The following ZNF280D variants were observed in gnomAD, a reference collection of about 807,000 sequenced individuals.
The protein encoded by ZNF280D is zinc finger protein 280D, also known as suppressor of hairy wing homolog 4.
ZNF280D carries 39 observed loss-of-function variants against 94.7 expected under a neutral mutation model. The ratio of observed to expected loss-of-function variants is 0.41; its 90% CI spans 0.32 to 0.54. ZNF280D has a LOEUF of 0.54. Ranked by LOEUF, ZNF280D falls within the 20% of genes least tolerant of loss-of-function variation. ZNF280D has a pLI of 0.22. For synonymous variants in ZNF280D, 398 were observed against 377.6 expected, an observed-to-expected ratio of 1.05 and a Z score of -0.63; for missense variants, 1,090 against 1,149.3, an observed-to-expected ratio of 0.95 and a Z score of 0.75.
intron 13 of ZNF280D, among the ~76,000 whole-genome samples, chr15:56,671,112 C>T (rs760954207): frequency 8.5e-5 from 13 of 152,078 alleles, no homozygotes; most frequent in Non-Finnish European, 1.5e-4. Context: ...AATTTTCTCC[C>T]ATTCTGTAAG....
chr15:56,647,624 C>T (rs1178546669), intron 19 of ZNF280D, among the ~76,000 whole-genome samples: 1 of 152,184 alleles, frequency 6.6e-6, no homozygotes, highest in Non-Finnish European at 1.5e-5. Context: ...CTCCACATCC[C>T]AGGCTCCAGT....
At chr15:56,663,739 C>G (rs762840396) in intron 16 of ZNF280D, among the ~76,000 whole-genome samples, 1 of 152,040 alleles carries the variant, frequency 6.6e-6, no homozygotes, top group Non-Finnish European at 1.5e-5. Flanking sequence ...GTTCCCATCA[C>G]AAAGAAATGA....
At chr15:56,699,696 C>A (rs555848965) in intron 6 of ZNF280D, 1 of 532,922 alleles carries the variant, frequency 1.9e-6, no homozygotes, top group South Asian at 8.3e-5. Context: ...TAGTTTACCT[C>A]ACAATTCAAT....
At chr15:56,640,441 A>G (rs944812803) in intron 20 of ZNF280D, among the ~76,000 whole-genome samples, 1 of 152,048 alleles carries the variant, frequency 6.6e-6, no homozygotes, top group Admixed American at 6.6e-5. Flanking sequence ...TGTATTTAAA[A>G]AATTTTTTTT....
At chr15:56,646,128 T>C (rs2052877681) in intron 19 of ZNF280D, among the ~76,000 whole-genome samples, 2 of 152,130 alleles carry the variant, frequency 1.3e-5, no homozygotes, top group African/African-American at 4.8e-5. Flanking sequence ...CCAGTAATCA[T>C]GACCTTCAAC....
rs770483829 is a variant in ZNF280D, at chr15:56,668,801, AATACAATATATTTT to A, written c.1545+8_1545+21del. Reference sequence around the variant, plus strand: ...TTTCTATTATCATACAAAATGTTAAAATACAATATATTTTAACTCACTTTTGTTCCAGGAGGCAA... The same window carrying A: ...TTTCTATTATCATACAAAATGTTAAAAACTCACTTTTGTTCCAGGAGGCAA... On this transcript the variant is annotated splice_region_variant and intron_variant, in intron 14 of 21. Coordinates refer to ENST00000267807, the MANE Select transcript of ZNF280D (RefSeq NM_017661.4). 6.4e-7 allele frequency: 1 copy of A among 1,564,936 alleles called. No individual in the cohort carries two copies. The highest frequency in any genetic ancestry group is 1.4e-5 in the African/African-American group (1 of 72,036).
Position 56,676,747 on chromosome 15 carries a change from T to TA in ZNF280D, c.1332dup (p.Lys445Ter). 6.2e-7 allele frequency: 1 copy of TA among 1,612,134 alleles called. No homozygotes were observed. The highest frequency in any genetic ancestry group is 8.5e-7 in the Non-Finnish European group (1 of 1,178,586). ...AGGCAAAACGGGCATAGCAAGTTCT[T>TA]AGTGTTTTCATGGGATGTTCTAAAA... is the stretch of plus-strand genomic sequence containing the variant. On this transcript the variant is annotated frameshift_variant, in exon 13 of 22. Coordinates refer to ENST00000267807, the MANE Select transcript of ZNF280D (RefSeq NM_017661.4). LOFTEE classifies it high-confidence loss of function.
chr15:56,643,721 G>C (rs1434416506), intron 19 of ZNF280D, among the ~76,000 whole-genome samples: 4 of 151,838 alleles, frequency 2.6e-5, no homozygotes, highest in African/African-American at 9.7e-5. Context: ...AATATTATTT[G>C]TGATATTATA....
chr15:56,697,306 T>A (rs1001120041), intron 6 of ZNF280D, among the ~76,000 whole-genome samples: 1 of 152,200 alleles, frequency 6.6e-6, no homozygotes, highest in East Asian at 1.9e-4. Context: ...TGCCTCAGCC[T>A]CCCAAGTAGC....
intron 9 of ZNF280D, among the ~76,000 whole-genome samples, chr15:56,688,489 C>CAA (rs55861049): frequency 1.1e-3 from 86 of 76,344 alleles, no homozygotes; most frequent in Middle Eastern, 7.7e-3. Context: ...GACTCCGTCT[C>CAA]AAAAAAAAAA....
Position 56,630,568 on chromosome 15 carries a change from T to C in ZNF280D, c.*930A>G, listed in dbSNP as rs1220906907. Reference sequence around the variant, plus strand: ...ACATGGCTGAATACATGCCAGGACATGTTTTCAGTTTACTGCTTTACAATA... The same window carrying C: ...ACATGGCTGAATACATGCCAGGACACGTTTTCAGTTTACTGCTTTACAATA... On this transcript the variant is annotated 3_prime_UTR_variant, in exon 22 of 22. Coordinates refer to ENST00000267807, the MANE Select transcript of ZNF280D (RefSeq NM_017661.4). 1 of 152,158 alleles carries C rather than the reference T, an allele frequency of 6.6e-6. No homozygotes were observed. The highest frequency in any genetic ancestry group is 2.4e-5 in the African/African-American group (1 of 41,446). The allele number at this position is 152,158 out of a possible 1,614,324, so 9.4% of individuals were successfully genotyped here.
intron 1 of ZNF280D, among the ~76,000 whole-genome samples, 198 bp downstream of exon 1, chr15:56,733,260 C>G (rs1189076387): frequency 6.6e-6 from 1 of 152,180 alleles, no homozygotes; most frequent in South Asian, 2.1e-4. Context: ...ACCTCCTCCC[C>G]CGCCTGGGCC....
rs577864596 is a variant in ZNF280D, at chr15:56,677,122, A to G, written c.1264-306T>C. On this transcript the variant is annotated intron_variant, in intron 12 of 21. Transcript: ENST00000267807. The stretch of plus-strand genomic sequence containing the variant: ...CAAGCTTTAGCACCTCTTGCTCTAT[A>G]AAATGTTTTTCTGCTACATGAAACA... Among the ~76,000 whole-genome samples the G allele has an allele frequency of 3.9e-5, 6 of 152,298 alleles. No individual in the cohort carries two copies. In the East Asian group the frequency reaches 1.2e-3, roughly 29 times the overall value.
At position 56,631,502 on chromosome 15, in the gene ZNF280D, C is replaced by T. The variant is rs199702171; in HGVS notation, c.2936G>A (p.Ser979Asn). The change falls in exon 22 of 22, where the codon AGT becomes AAT. Residue 979 changes from serine (S) to asparagine (N), a missense_variant. Around this residue, in one of 3 missense-constraint regions of ZNF280D, gnomAD observed 577 missense variants for 568.8 expected, o/e 1.01. Coordinates refer to ENST00000267807, the MANE Select transcript of ZNF280D (RefSeq NM_017661.4). ...TVDLEDEKER[S>N] Reference sequence around the variant, plus strand: ...TGAAACTTAAAATGACTAATTTCAACTTCTTTCTTTTTCGTCTTCCAGGTC... The same window carrying T: ...TGAAACTTAAAATGACTAATTTCAATTTCTTTCTTTTTCGTCTTCCAGGTC... The T allele has an allele frequency of 2.3e-4, 365 of 1,610,178 alleles. No homozygotes were observed. The highest frequency in any genetic ancestry group is 2.9e-4 in the Non-Finnish European group (336 of 1,177,022).
intron 1 of ZNF280D, chr15:56,730,545 T>G (rs1464818960): frequency 6.6e-6 from 1 of 152,236 alleles, no homozygotes; most frequent in Non-Finnish European, 1.5e-5. Context: ...GTTGAAGCAC[T>G]TGCAATCCTC....
At chr15:56,724,427 A>C (rs2058529025) in intron 1 of ZNF280D, among the ~76,000 whole-genome samples, 1 of 152,234 alleles carries the variant, frequency 6.6e-6, no homozygotes, top group Non-Finnish European at 1.5e-5. Flanking sequence ...CTAAGGAGGC[A>C]ACACTTCTAA....
intron 6 of ZNF280D, among the ~76,000 whole-genome samples, chr15:56,696,258 T>A (rs139168037): frequency 6.6e-6 from 1 of 152,178 alleles, no homozygotes; most frequent in African/African-American, 2.4e-5. Context: ...AATGGAAAAG[T>A]TACTTCTGAG....
At chr15:56,695,915 T>C (rs1425691285) in intron 6 of ZNF280D, among the ~76,000 whole-genome samples, 2 of 152,226 alleles carry the variant, frequency 1.3e-5, no homozygotes, top group Non-Finnish European at 2.9e-5. Context: ...AGGGTCCTGA[T>C]ACACTCTTCT....
intron 16 of ZNF280D, among the ~76,000 whole-genome samples, chr15:56,665,276 T>A (rs1045144181): frequency 3.3e-5 from 5 of 152,106 alleles, no homozygotes; most frequent in Non-Finnish European, 7.3e-5. Flanking sequence ...AATTCTAATT[T>A]TAAACAAAAA....
Sources: allele counts gnomAD v4.1 joint callset (sites outside exome capture counted in the v4.1 genomes callset), GRCh38; gene constraint gnomAD v4.1.1; regional missense constraint gnomAD v4.1.1; transcripts MANE v1.5; gene names NCBI Gene and HGNC (gene_info 2026-07-23, HGNC 2026-07-21).